LMO7: variants seen among roughly 807,000 people sequenced by gnomAD.
LMO7 encodes the protein LIM domain only protein 7.
Under a neutral mutation model 206.5 loss-of-function variants are expected in LMO7, and 120 were observed. That is an observed-to-expected ratio of 0.58 (90% CI 0.50 to 0.68). The LOEUF is 0.68. LMO7 is among the 30% of genes least tolerant of loss of function. The pLI is 0.00. For synonymous variants in LMO7, 706 were observed against 681.5 expected (o/e 1.04, Z -0.56); for missense variants, 1,959 against 1,957.9 (o/e 1.00, Z -0.01).
chr13:75,808,780 ATAGT>A (rs1305936400), intron 10 of LMO7, among the ~76,000 whole-genome samples: 1 of 152,082 alleles, frequency 6.6e-6, no homozygotes, highest in Admixed American at 6.6e-5. Flanking sequence ...GGCCATTTTG[ATAGT>A]TTGTATTATG....
At chr13:75,697,433 A>C (rs2041983912) in intron 1 of LMO7, among the ~76,000 whole-genome samples, 1 of 152,180 alleles carries the variant, frequency 6.6e-6, no homozygotes, top group South Asian at 2.1e-4. Flanking sequence ...TGAGAGCCAA[A>C]CAAAAGAGGA....
At chr13:75,659,313 A>C (rs1249050728) in intron 1 of LMO7, among the ~76,000 whole-genome samples, 1 of 152,228 alleles carries the variant, frequency 6.6e-6, no homozygotes, top group African/African-American at 2.4e-5. Flanking sequence ...TTTTCACCCC[A>C]ATCCATTAAT....
intron 20 of LMO7, chr13:75,838,456 A>G (rs2059327890): frequency 3.7e-6 from 1 of 269,854 alleles, no homozygotes; most frequent in Non-Finnish European, 5.8e-6. Context: ...AACTTTGTAA[A>G]AAAAAAAAAA....
At chr13:75,730,909 G>A (rs2045120196) in intron 3 of LMO7, among the ~76,000 whole-genome samples, 2 of 148,182 alleles carry the variant, frequency 1.3e-5, no homozygotes, top group African/African-American at 5.1e-5. Flanking sequence ...TCAGGAGCAG[G>A]TTGTTCAGTT....
intron 1 of LMO7, among the ~76,000 whole-genome samples, chr13:75,696,931 G>A (rs981882754): frequency 2.0e-5 from 3 of 152,116 alleles, no homozygotes; most frequent in Non-Finnish European, 4.4e-5. Context: ...AACGCACGTC[G>A]AACGTTGCCA....
rs545157703 is a variant in LMO7, at chr13:75,823,628, G to T, written c.2704G>T (p.Val902Phe). The change falls in exon 15 of 31, where the codon GTC (valine) becomes TTC (phenylalanine). Residue 902 changes from valine to phenylalanine, a missense_variant. Val to Phe is a conservative substitution (Grantham distance 50). Transcript: ENST00000377534. ...CATTAAGAGAACTCCAAACAATGTG[G>T]TCAGCACCCCTGCACCAAGCCCGGA... ...EDIKRTPNNV[V>F]STPAPSPDAS... The T allele has an allele frequency of 1.4e-5, 22 of 1,614,084 alleles. 1 individual carries two copies. Among genetic ancestry groups the T allele is most frequent in the Middle Eastern group, 3.3e-4 (2 of 6,062 alleles).
intron 4 of LMO7, among the ~76,000 whole-genome samples, chr13:75,789,998 C>A (rs1736039459): frequency 6.6e-6 from 1 of 152,038 alleles, no homozygotes; most frequent in African/African-American, 2.4e-5. Context: ...TGGCTTGGGG[C>A]CAACATGGAA....
At chr13:75,802,614 C>T (rs2054901066) in intron 7 of LMO7, among the ~76,000 whole-genome samples, 1 of 152,188 alleles carries the variant, frequency 6.6e-6, no homozygotes, top group African/African-American at 2.4e-5. Flanking sequence ...GAATGGGCAC[C>T]TGTCCATGTA....
At chr13:75,855,738 G>A (rs796447823) in intron 29 of LMO7, among the ~76,000 whole-genome samples, 18 of 152,312 alleles carry the variant, frequency 1.2e-4, no homozygotes, top group African/African-American at 4.1e-4. Flanking sequence ...TGAAAGCCTA[G>A]CTTTGAGTAG....
chr13:75,715,026 T>G (rs2043418436), intron 2 of LMO7, among the ~76,000 whole-genome samples: 1 of 152,232 alleles, frequency 6.6e-6, no homozygotes, highest in Admixed American at 6.5e-5. Context: ...GAATATATGA[T>G]CTTTCAAAGA....
intron 2 of LMO7, among the ~76,000 whole-genome samples, chr13:75,722,243 TAATC>T (rs759250598): frequency 5.9e-5 from 9 of 152,056 alleles, no homozygotes; most frequent in Non-Finnish European, 1.0e-4. Flanking sequence ...GCAAAAGAAA[TAATC>T]AGCAGAGTAA....
chr13:75,623,530 G>A (rs545337889), intron 2 of LMO7, among the ~76,000 whole-genome samples: 2 of 151,794 alleles, frequency 1.3e-5, no homozygotes, highest in Admixed American at 1.3e-4. Flanking sequence ...TACCAGGCAA[G>A]TTTTTGTACT....
intron 3 of LMO7, among the ~76,000 whole-genome samples, chr13:75,737,675 C>T (rs2045960464): frequency 7.6e-6 from 1 of 131,444 alleles, no homozygotes; most frequent in Admixed American, 8.3e-5. Flanking sequence ...ATGGCGTGAA[C>T]CTGGGAGGCG....
At chr13:75,782,848 T>A (rs2051745152) in intron 4 of LMO7, among the ~76,000 whole-genome samples, 2 of 152,204 alleles carry the variant, frequency 1.3e-5, no homozygotes, top group Admixed American at 1.3e-4. Context: ...CACTTGTGAT[T>A]ATGTTTAGGA....
At chr13:75,679,372 A>G (rs1258485203) in intron 1 of LMO7, among the ~76,000 whole-genome samples, 1 of 152,234 alleles carries the variant, frequency 6.6e-6, no homozygotes, top group East Asian at 1.9e-4. Flanking sequence ...AGGTGCCTAT[A>G]CTTCTGTCTT....
intron 1 of LMO7, among the ~76,000 whole-genome samples, chr13:75,667,065 T>C (rs1345646676): frequency 6.6e-6 from 1 of 152,212 alleles, no homozygotes; most frequent in Non-Finnish European, 1.5e-5. Flanking sequence ...GTGGACATTT[T>C]TTTTTCTTTG....
intron 11 of LMO7, among the ~76,000 whole-genome samples, chr13:75,810,299 T>C (rs1053930856): frequency 2.0e-5 from 3 of 152,194 alleles, no homozygotes; most frequent in African/African-American, 7.2e-5. Context: ...TAGCTAAGTA[T>C]CTTCCCTTAT....
intron 3 of LMO7, among the ~76,000 whole-genome samples, chr13:75,742,073 C>A (rs139960573): frequency 0.019 from 2,968 of 152,248 alleles, 205 homozygotes; most frequent in Admixed American, 0.13. Context: ...CATTCCTATA[C>A]GTTAACTACA....
chr13:75,707,471 G>A (rs1239301480), intron 1 of LMO7, among the ~76,000 whole-genome samples: 1 of 151,762 alleles, frequency 6.6e-6, no homozygotes, highest in African/African-American at 2.4e-5. Flanking sequence ...TTATTGCTGG[G>A]CATTCAGGTT....
Sources: gnomAD v4.1 joint callset for allele counts (sites outside exome capture counted in the v4.1 genomes callset) on GRCh38, gnomAD v4.1.1 for gene constraint, MANE v1.5 for transcripts, NCBI Gene and HGNC (gene_info 2026-07-23, HGNC 2026-07-21) for gene names.